CBX1: variants seen among roughly 807,000 people sequenced by gnomAD.
CBX1 encodes chromobox protein homolog 1.
A neutral mutation model predicts 25.1 loss-of-function variants in CBX1; 10 were observed. That is an observed-to-expected ratio of 0.40 (90% CI 0.25 to 0.68). CBX1 has a LOEUF of 0.68. CBX1 is among the 30% of genes least tolerant of loss of function. CBX1 has a pLI of 0.40. For missense variants in CBX1, 106 were observed against 218.5 expected (o/e 0.49, Z 3.25); for synonymous variants, 63 against 79.4 (o/e 0.79, Z 1.10).
At chr17:48,092,603 G>A (rs1022952730) in intron 1 of CBX1, among the ~76,000 whole-genome samples, 9 of 151,490 alleles carry the variant, frequency 5.9e-5, no homozygotes, top group Non-Finnish European at 1.2e-4. Context: ...ACAGGTGCCC[G>A]CCGCTGCACC....
At chr17:48,100,758 G>A in intron 1 of CBX1, 1 of 985,312 alleles carries the variant, frequency 1.0e-6, no homozygotes, top group Non-Finnish European at 1.2e-6. Context: ...AGCACACCTT[G>A]TGCGGCCCTG....
intron 1 of CBX1, among the ~76,000 whole-genome samples, chr17:48,080,952 A>ATG (rs2037729698): frequency 5.6e-4 from 5 of 8,962 alleles, no homozygotes; most frequent in African/African-American, 2.1e-3. Flanking sequence ...AAAAAAAAAA[A>ATG]TATATATATA....
rs980020788 is a variant in CBX1 at position 48,083,372 on chromosome 17, G to C, written c.-37-6331C>G. ...TCAGGGGTACCTAGTGGCCTTTCCAGAATCCTGTGACACAAACTGGTTTGT... is the reference window on the plus strand; with the variant it reads ...TCAGGGGTACCTAGTGGCCTTTCCACAATCCTGTGACACAAACTGGTTTGT... On this transcript the variant is annotated intron_variant, in intron 1 of 4. Transcript: ENST00000225603. Among the ~76,000 whole-genome samples, 12 of 150,326 alleles carry C rather than the reference G, an allele frequency of 8.0e-5. 1 individual carries two copies. Among genetic ancestry groups the C allele is most frequent in the African/African-American group, 3.0e-4 (12 of 39,714 alleles).
At chr17:48,093,286 T>A (rs1418138726) in intron 1 of CBX1, among the ~76,000 whole-genome samples, 915 of 75,714 alleles carry the variant, frequency 0.012, 2 homozygotes, top group African/African-American at 0.035. Flanking sequence ...AAAATAAAAT[T>A]AAAAAAAAAA....
chr17:48,093,368 C>T (rs2063355203), intron 1 of CBX1, among the ~76,000 whole-genome samples: 1 of 150,764 alleles, frequency 6.6e-6, no homozygotes, highest in Non-Finnish European at 1.5e-5. Flanking sequence ...AAGTGAGAGT[C>T]CGAAATGGCA....
At chr17:48,092,503 C>G (rs2144464249) in intron 1 of CBX1, among the ~76,000 whole-genome samples, 1 of 149,844 alleles carries the variant, frequency 6.7e-6, no homozygotes, top group East Asian at 2.1e-4. Context: ...GCTCTGTTGC[C>G]CAGGCTAGAG....
At chr17:48,087,455 T>C (rs965777194) in intron 1 of CBX1, among the ~76,000 whole-genome samples, 7 of 151,740 alleles carry the variant, frequency 4.6e-5, no homozygotes, top group African/African-American at 1.7e-4. Flanking sequence ...GCACCTGTAA[T>C]CCCAGCTACT....
At chr17:48,075,854 G>A in intron 3 of CBX1, 147 bp downstream of exon 3, 1 of 581,604 alleles carries the variant, frequency 1.7e-6, no homozygotes, top group Non-Finnish European at 3.0e-6. Context: ...CTTCATGACA[G>A]TACACTCTCA....
At chr17:48,072,413 G>A (rs962066599) in intron 4 of CBX1, among the ~76,000 whole-genome samples, 4 of 152,132 alleles carry the variant, frequency 2.6e-5, no homozygotes, top group Non-Finnish European at 4.4e-5. Context: ...TGCTATCCTC[G>A]CATAACTTCC....
intron 1 of CBX1, among the ~76,000 whole-genome samples, chr17:48,077,300 G>C (rs2037683755): frequency 6.7e-6 from 1 of 150,008 alleles, no homozygotes; most frequent in African/African-American, 2.5e-5. Flanking sequence ...CTGTTGCCCA[G>C]GCTGGAGTGC....
chr17:48,079,589 G>C (rs1379487048), intron 1 of CBX1, among the ~76,000 whole-genome samples: 1 of 151,830 alleles, frequency 6.6e-6, no homozygotes, highest in Admixed American at 6.6e-5. Context: ...GACCTCCTGG[G>C]CTCAAGTGAT....
At chr17:48,100,115 G>T (rs2063399389) in intron 1 of CBX1, among the ~76,000 whole-genome samples, 1 of 118,928 alleles carries the variant, frequency 8.4e-6, no homozygotes, top group Non-Finnish European at 1.7e-5. Context: ...CTCCAGCCTG[G>T]GCAACAGAGG....
chr17:48,093,070 C>CAAAAAAAAAA (rs748778471), intron 1 of CBX1, among the ~76,000 whole-genome samples: 3 of 8,734 alleles, frequency 3.4e-4, no homozygotes, highest in Non-Finnish European at 5.2e-4. Context: ...AACTCTGTCT[C>CAAAAAAAAAA]AAAAAAAAAA....
rs537435279 is a variant in CBX1 at position 48,081,132 on chromosome 17, C to G, written c.-37-4091G>C. Among the ~76,000 whole-genome samples the G allele has an allele frequency of 4.0e-5, 6 of 151,118 alleles. No individual in the cohort carries two copies. The South Asian group carries it at 1.0e-3, about 26-fold the overall frequency. On this transcript the variant is annotated intron_variant, in intron 1 of 4. Transcript: ENST00000225603. ...AAGGGTTTTTGCCATGTTGCCAATGCTGGTCTTGAACCCCTGGGCTCAAGC... is the reference window on the plus strand; with the variant it reads ...AAGGGTTTTTGCCATGTTGCCAATGGTGGTCTTGAACCCCTGGGCTCAAGC...
At chr17:48,097,866 T>C (rs1013922439) in intron 1 of CBX1, among the ~76,000 whole-genome samples, 12 of 152,156 alleles carry the variant, frequency 7.9e-5, no homozygotes, top group African/African-American at 2.4e-4. Context: ...TCAACAGACA[T>C]TGCTACTGGT....
intron 1 of CBX1, among the ~76,000 whole-genome samples, chr17:48,098,259 A>AC (rs1450496257): frequency 1.2e-4 from 7 of 59,194 alleles, no homozygotes; most frequent in Non-Finnish European, 6.9e-5. Context: ...TAAAAAAACA[A>AC]AAAACAAACA....
intron 1 of CBX1, among the ~76,000 whole-genome samples, chr17:48,088,962 C>T (rs140318822): frequency 6.6e-6 from 1 of 152,122 alleles, no homozygotes; most frequent in East Asian, 1.9e-4. Flanking sequence ...GGCGACACAG[C>T]AAGACTGTCT....
At chr17:48,079,299 A>G (rs937946266) in intron 1 of CBX1, among the ~76,000 whole-genome samples, 7 of 146,656 alleles carry the variant, frequency 4.8e-5, no homozygotes, top group Admixed American at 2.0e-4. Context: ...AGAGACAGGG[A>G]TTCGCCATGT....
intron 1 of CBX1, among the ~76,000 whole-genome samples, chr17:48,085,856 C>G (rs1013270815): frequency 6.6e-6 from 1 of 152,104 alleles, no homozygotes. Flanking sequence ...CACCTAAGGT[C>G]AGGAGTTCAA....
Sources: gnomAD v4.1 joint callset for allele counts (sites outside exome capture counted in the v4.1 genomes callset) on GRCh38, gnomAD v4.1.1 for gene constraint, MANE v1.5 for transcripts, NCBI Gene and HGNC (gene_info 2026-07-23, HGNC 2026-07-21) for gene names.